The following CTNNA3 variants were observed in gnomAD, a reference collection of about 807,000 sequenced individuals.
The protein encoded by CTNNA3 is catenin alpha 3.
In CTNNA3, 76 loss-of-function variants were observed where a neutral mutation model predicts 95.7. The ratio of observed to expected loss-of-function variants is 0.79; its 90% CI spans 0.66 to 0.96. CTNNA3 has a LOEUF of 0.96. Ranked by LOEUF, CTNNA3 falls within the 40% of genes least tolerant of loss-of-function variation. CTNNA3 has a pLI of 0.00. For missense variants in CTNNA3, 1,191 were observed against 1,089.8 expected (o/e 1.09, Z -1.31); for synonymous variants, 431 against 374.4 (o/e 1.15, Z -1.74).
At chr10:67,185,980 C>T (rs932471822) in intron 6 of CTNNA3, among the ~76,000 whole-genome samples, 1 of 144,820 alleles carries the variant, frequency 6.9e-6, no homozygotes, top group African/African-American at 2.6e-5. Flanking sequence ...GAGCCGAGAT[C>T]ACACCAGTGT....
chr10:67,085,391 G>C (rs1202110287), intron 7 of CTNNA3, among the ~76,000 whole-genome samples: 2 of 147,174 alleles, frequency 1.4e-5, no homozygotes, highest in Non-Finnish European at 3.0e-5. Flanking sequence ...ATGCAACTGT[G>C]AAAAAAAAAA....
At chr10:67,074,034 C>CTTTTTTTTT (rs35411851) in intron 7 of CTNNA3, among the ~76,000 whole-genome samples, 1 of 109,436 alleles carries the variant, frequency 9.1e-6, no homozygotes, top group African/African-American at 3.5e-5. Flanking sequence ...CATTTTAACT[C>CTTTTTTTTT]TTTTTTTTTT....
intron 11 of CTNNA3, among the ~76,000 whole-genome samples, chr10:66,515,919 C>T (rs550001940): frequency 6.6e-6 from 1 of 152,124 alleles, no homozygotes; most frequent in Admixed American, 6.5e-5. Flanking sequence ...ATAGCCAAGC[C>T]ATATCAATCA....
chr10:66,346,421 C>T (rs1283201440), intron 12 of CTNNA3, among the ~76,000 whole-genome samples: 1 of 151,352 alleles, frequency 6.6e-6, no homozygotes, highest in Non-Finnish European at 1.5e-5. Flanking sequence ...TGGGACTACA[C>T]ACATGCACCA....
chr10:66,825,786 C>T (rs912930340), intron 7 of CTNNA3, among the ~76,000 whole-genome samples: 1 of 152,042 alleles, frequency 6.6e-6, no homozygotes, highest in African/African-American at 2.4e-5. Flanking sequence ...TTGTGGAGCC[C>T]TCATTTCTGG....
At chr10:66,496,539 A>G (rs570586541) in intron 11 of CTNNA3, among the ~76,000 whole-genome samples, 6 of 152,328 alleles carry the variant, frequency 3.9e-5, no homozygotes, top group South Asian at 2.1e-4. Flanking sequence ...AGTTGTCACA[A>G]ATAAATTCAG....
At chr10:66,676,445 T>G (rs1056796400) in intron 9 of CTNNA3, among the ~76,000 whole-genome samples, 1 of 152,008 alleles carries the variant, frequency 6.6e-6, no homozygotes. Context: ...ATACATGAGC[T>G]AGAGTGATAA....
At chr10:67,602,709 T>C (rs1843125451) in intron 3 of CTNNA3, among the ~76,000 whole-genome samples, 1 of 152,212 alleles carries the variant, frequency 6.6e-6, no homozygotes, top group Non-Finnish European at 1.5e-5. Context: ...CTCATGGCAA[T>C]TATTGTTCCC....
At chr10:66,830,821 G>A (rs567248138) in intron 7 of CTNNA3, among the ~76,000 whole-genome samples, 1 of 152,184 alleles carries the variant, frequency 6.6e-6, no homozygotes, top group East Asian at 1.9e-4. Context: ...GTGTTAGCCA[G>A]GATGGTCTCT....
At chr10:66,988,958 G>A (rs774534943) in intron 7 of CTNNA3, among the ~76,000 whole-genome samples, 1 of 151,510 alleles carries the variant, frequency 6.6e-6, no homozygotes, top group South Asian at 2.1e-4. Context: ...TTACACATCC[G>A]GGTGCTTCCT....
chr10:66,440,024 T>C (rs1461592732), intron 11 of CTNNA3, among the ~76,000 whole-genome samples: 1 of 152,164 alleles, frequency 6.6e-6, no homozygotes, highest in Admixed American at 6.5e-5. Flanking sequence ...GCAAGCTTCT[T>C]AATGTCTCAG....
chr10:66,219,443 T>A (rs1375162320), intron 13 of CTNNA3, among the ~76,000 whole-genome samples: 1 of 152,128 alleles, frequency 6.6e-6, no homozygotes. Context: ...AATAGTATAG[T>A]GTGTCACTGC....
intron 13 of CTNNA3, among the ~76,000 whole-genome samples, chr10:66,233,358 A>T (rs980948231): frequency 1.3e-5 from 2 of 152,006 alleles, no homozygotes; most frequent in Non-Finnish European, 1.5e-5. Flanking sequence ...AATAAAAATT[A>T]TTTTTCTAAA....
intron 6 of CTNNA3, among the ~76,000 whole-genome samples, chr10:67,215,840 T>A (rs1021772558): frequency 6.6e-6 from 1 of 152,154 alleles, no homozygotes; most frequent in South Asian, 2.1e-4. Context: ...CAGTTCACAG[T>A]CTTTCAAGAT....
At chr10:66,781,628 C>G (rs947229064) in intron 7 of CTNNA3, among the ~76,000 whole-genome samples, 4 of 151,984 alleles carry the variant, frequency 2.6e-5, no homozygotes, top group African/African-American at 9.7e-5. Flanking sequence ...AAAAATTAAC[C>G]ATATAAGAAT....
At chr10:67,086,906 A>G (rs1857344160) in intron 7 of CTNNA3, among the ~76,000 whole-genome samples, 1 of 152,062 alleles carries the variant, frequency 6.6e-6, no homozygotes, top group Admixed American at 6.6e-5. Context: ...TAGTGTTATT[A>G]TAAGACCCTC....
chr10:66,433,590 G>T (rs2093314832), intron 11 of CTNNA3, among the ~76,000 whole-genome samples: 1 of 152,158 alleles, frequency 6.6e-6, no homozygotes, highest in Non-Finnish European at 1.5e-5. Context: ...CCATTCTGTA[G>T]GTTGCCTGTT....
At chr10:67,064,137 G>GT (rs1251379034) in intron 7 of CTNNA3, among the ~76,000 whole-genome samples, 1 of 152,084 alleles carries the variant, frequency 6.6e-6, no homozygotes, top group Non-Finnish European at 1.5e-5. Context: ...CTATCAACTT[G>GT]TTTTTTTCAT....
chr10:66,250,948 G>A (rs2090525034), intron 13 of CTNNA3, among the ~76,000 whole-genome samples: 1 of 152,152 alleles, frequency 6.6e-6, no homozygotes, highest in Non-Finnish European at 1.5e-5. Flanking sequence ...ATATGAAGTG[G>A]AGAATGTTAG....
Sources: gnomAD v4.1 joint callset for allele counts (sites outside exome capture counted in the v4.1 genomes callset) on GRCh38, gnomAD v4.1.1 for gene constraint, MANE v1.5 for transcripts, NCBI Gene and HGNC (gene_info 2026-07-23, HGNC 2026-07-21) for gene names.